Variants in MECOM observed in about 807,000 individuals in gnomAD.
The protein encoded by MECOM is MDS1 and EVI1 complex locus, also known as histone-lysine N-methyltransferase MECOM.
In MECOM, 13 loss-of-function variants were observed where a neutral mutation model predicts 116.3. That is an observed-to-expected ratio of 0.11 (90% CI 0.07 to 0.18). The LOEUF (loss-of-function observed/expected upper bound fraction) is 0.18, where lower values mean the gene tolerates loss of function less well. Ranked by LOEUF, MECOM falls within the 10% of genes least tolerant of loss-of-function variation. The probability of loss-of-function intolerance (pLI) is 1.00; values close to 1 mark genes in which losing one functional copy is unlikely to be tolerated. For synonymous variants in MECOM, 528 were observed against 535.2 expected (o/e 0.99, Z 0.19); for missense variants, 1,299 against 1,509.0 (o/e 0.86, Z 2.31).
chr3:169,497,422 T>G (rs1012885273), intron 1 of MECOM, among the ~76,000 whole-genome samples: 29 of 151,998 alleles, frequency 1.9e-4, no homozygotes, highest in Non-Finnish European at 3.7e-4. Flanking sequence ...CTCAGCTCAC[T>G]GCAACCTCTG....
At chr3:169,607,921 A>T (rs1194610475) in intron 1 of MECOM, among the ~76,000 whole-genome samples, 5 of 152,228 alleles carry the variant, frequency 3.3e-5, no homozygotes. Flanking sequence ...TATAATCTAC[A>T]GCCAGCTCTC....
intron 1 of MECOM, among the ~76,000 whole-genome samples, chr3:169,568,832 C>T (rs1763554782): frequency 6.6e-6 from 1 of 152,136 alleles, no homozygotes; most frequent in Non-Finnish European, 1.5e-5. Context: ...TACAAGAGCG[C>T]CTGAAGAAAG....
At chr3:169,496,171 A>T (rs537101813) in intron 1 of MECOM, among the ~76,000 whole-genome samples, 5 of 152,212 alleles carry the variant, frequency 3.3e-5, no homozygotes, top group African/African-American at 7.2e-5. Context: ...ATTTCTCACC[A>T]TTGAAAACAT....
chr3:169,444,755 A>C (rs1008722846), intron 1 of MECOM, among the ~76,000 whole-genome samples: 2 of 152,186 alleles, frequency 1.3e-5, no homozygotes, highest in African/African-American at 2.4e-5. Flanking sequence ...AGAAGACAGG[A>C]CAATGTGGGA....
chr3:169,292,719 C>T (rs1714818607), intron 2 of MECOM, among the ~76,000 whole-genome samples: 1 of 152,266 alleles, frequency 6.6e-6, no homozygotes, highest in Non-Finnish European at 1.5e-5. Context: ...ACCATCTCTA[C>T]CCAGTGACCA....
At chr3:169,518,520 C>T (rs1466173560) in intron 1 of MECOM, among the ~76,000 whole-genome samples, 3 of 152,076 alleles carry the variant, frequency 2.0e-5, no homozygotes, top group African/African-American at 4.8e-5. Context: ...CAATGGCAAC[C>T]CAGCTCCCAT....
chr3:169,267,513 AT>A (rs1758456657), intron 2 of MECOM, among the ~76,000 whole-genome samples: 1 of 152,254 alleles, frequency 6.6e-6, no homozygotes, highest in African/African-American at 2.4e-5. Context: ...TTCTAGCTTT[AT>A]TTAAGAAAGG....
rs190713928 is a variant in MECOM, at chr3:169,658,978, C to T, written c.37+4358G>A. 5.0e-3 allele frequency among the ~76,000 whole-genome samples: 757 copies of T among 150,280 alleles called. 32 individuals carry two copies. The South Asian group carries it at 0.098, about 20-fold the overall frequency. ...CTGCCCCAGGTCACAACTGCAGCCT[C>T]GGATAACCTGGCCCCAACTTACAAA... On this transcript the variant is annotated intron_variant, in intron 1 of 16. Coordinates refer to ENST00000651503, the MANE Select transcript of MECOM (RefSeq NM_004991.4).
chr3:169,416,189 T>G (rs1042874279), intron 1 of MECOM, among the ~76,000 whole-genome samples: 1 of 152,126 alleles, frequency 6.6e-6, no homozygotes. Context: ...CCAACCACAG[T>G]GCAATCAAAT....
At chr3:169,617,735 G>T (rs546848314) in intron 1 of MECOM, among the ~76,000 whole-genome samples, 1 of 152,302 alleles carries the variant, frequency 6.6e-6, no homozygotes, top group South Asian at 2.1e-4. Context: ...GCAGCTAATG[G>T]GAGGGGCGGG....
intron 2 of MECOM, among the ~76,000 whole-genome samples, chr3:169,266,221 C>T (rs1279702241): frequency 6.6e-6 from 1 of 152,162 alleles, no homozygotes; most frequent in Non-Finnish European, 1.5e-5. Flanking sequence ...CATCATAAAT[C>T]TCATGACCAA....
intron 2 of MECOM, among the ~76,000 whole-genome samples, chr3:169,175,067 C>G (rs1744946096): frequency 6.6e-6 from 1 of 152,106 alleles, no homozygotes; most frequent in East Asian, 1.9e-4. Context: ...CCAATCCCAC[C>G]TCTGTTGCTT....
intron 1 of MECOM, among the ~76,000 whole-genome samples, chr3:169,467,291 A>G (rs181240469): frequency 1.8e-4 from 28 of 152,342 alleles, no homozygotes; most frequent in Admixed American, 3.3e-4. Flanking sequence ...GTAGAATTCC[A>G]GAAAAATAAG....
intron 15 of MECOM, 147 bp downstream of exon 15, chr3:169,089,853 T>C: frequency 1.6e-6 from 2 of 1,249,894 alleles, no homozygotes; most frequent in Non-Finnish European, 1.1e-6. Flanking sequence ...TATTTTCATC[T>C]ATTTAAATCT....
chr3:169,496,112 T>C (rs10936582), intron 1 of MECOM, among the ~76,000 whole-genome samples: 31,308 of 152,178 alleles, frequency 0.21, 3,927 homozygotes, highest in Non-Finnish European at 0.28. Context: ...AGCCCTGTTG[T>C]TATGGGGAAA....
rs556013211 is a variant in MECOM, at chr3:169,428,415, A to G, written c.38-46891T>C. The stretch of plus-strand genomic sequence containing the variant: ...AGTTCACAATAGGGTTCACTTGCCT[A>G]TGAGAATCGAATGCTGTCAGTCATC... On this transcript the variant is annotated intron_variant, in intron 1 of 16. Coordinates refer to ENST00000651503, the MANE Select transcript of MECOM (RefSeq NM_004991.4). 1.1e-4 allele frequency among the ~76,000 whole-genome samples: 16 copies of G among 152,282 alleles called. No homozygotes were observed. The South Asian group carries it at 3.3e-3, about 32-fold the overall frequency.
intron 2 of MECOM, among the ~76,000 whole-genome samples, chr3:169,296,047 T>C (rs1318407348): frequency 6.6e-6 from 1 of 152,148 alleles, no homozygotes; most frequent in Non-Finnish European, 1.5e-5. Flanking sequence ...CCTTTAGCAC[T>C]CAAGAATAGG....
chr3:169,658,752 G>C (rs1264739250), intron 1 of MECOM, among the ~76,000 whole-genome samples: 1 of 152,168 alleles, frequency 6.6e-6, no homozygotes, highest in African/African-American at 2.4e-5. Flanking sequence ...CAGCTCTTGG[G>C]AACAGGGCTC....
intron 1 of MECOM, among the ~76,000 whole-genome samples, chr3:169,559,983 T>C (rs1391188321): frequency 6.6e-6 from 1 of 152,188 alleles, no homozygotes; most frequent in Non-Finnish European, 1.5e-5. Context: ...GAAACTTTTA[T>C]TATACCACTA....
Sources: allele counts gnomAD v4.1 joint callset (sites outside exome capture counted in the v4.1 genomes callset), GRCh38; gene constraint gnomAD v4.1.1; transcripts MANE v1.5; gene names NCBI Gene and HGNC (gene_info 2026-07-23, HGNC 2026-07-21).